TBL1XR1: variants seen among roughly 807,000 people sequenced by gnomAD.
TBL1XR1 encodes TBL1X/Y related 1.
A neutral mutation model predicts 66.9 loss-of-function variants in TBL1XR1; 5 were observed. That is an observed-to-expected ratio of 0.07 (90% confidence interval 0.04 to 0.16). TBL1XR1 has a LOEUF of 0.16. Ranked by LOEUF, TBL1XR1 falls within the 10% of genes least tolerant of loss-of-function variation. The pLI is 1.00. For missense variants in TBL1XR1, 238 were observed against 623.2 expected (o/e 0.38, Z 6.58); for synonymous variants, 210 against 206.0 (o/e 1.02, Z -0.17).
chr3:177,103,673 CT>C (rs754836465), intron 1 of TBL1XR1, among the ~76,000 whole-genome samples: 7 of 152,106 alleles, frequency 4.6e-5, no homozygotes, highest in African/African-American at 1.7e-4. Context: ...ATTATGGGCC[CT>C]TTTCCTAGAC....
At position 177,033,137 on chromosome 3, in the gene TBL1XR1, C is replaced by A; in HGVS notation, c.1251-1G>T. ...CCTAACAGTAGAATCAAAGGATGCA[C>A]TGAAAAAGGAAGGAAAGAAAGTTAA... On this transcript the variant is annotated splice_acceptor_variant, in intron 13 of 15. Transcript: ENST00000457928. LOFTEE classifies it high-confidence loss of function. 1 of 1,516,744 alleles carries A rather than the reference C, an allele frequency of 6.6e-7. No homozygotes were observed. The highest frequency in any genetic ancestry group is 8.9e-7 in the Non-Finnish European group (1 of 1,126,088). The allele number at this position is 1,516,744 out of a possible 1,614,324, so 94.0% of individuals were successfully genotyped here. A position where few individuals can be genotyped will look rare whatever the true frequency, so the allele number is the denominator to read the frequency against.
intron 1 of TBL1XR1, among the ~76,000 whole-genome samples, chr3:177,169,912 G>GC (rs1733260085): frequency 6.6e-6 from 1 of 152,132 alleles, no homozygotes; most frequent in Admixed American, 6.5e-5. Flanking sequence ...AGCAGTATCA[G>GC]CATCACCTGG....
intron 12 of TBL1XR1, among the ~76,000 whole-genome samples, chr3:177,037,130 T>C (rs1030910789): frequency 1.3e-5 from 2 of 152,146 alleles, no homozygotes; most frequent in African/African-American, 4.8e-5. Context: ...TATGTATCAG[T>C]TTCCCAGCAA....
chr3:177,141,166 C>T (rs1413319353), intron 1 of TBL1XR1, among the ~76,000 whole-genome samples: 3 of 152,138 alleles, frequency 2.0e-5, no homozygotes, highest in African/African-American at 7.2e-5. Flanking sequence ...ATAAAGCAAG[C>T]AAGAAATAAA....
At chr3:177,123,332 T>G (rs953675531) in intron 1 of TBL1XR1, among the ~76,000 whole-genome samples, 8 of 152,036 alleles carry the variant, frequency 5.3e-5, no homozygotes, top group Admixed American at 5.2e-4. Context: ...TATTAATTGA[T>G]TTACATCACT....
Position 177,020,617 on chromosome 3 carries a change from C to T in TBL1XR1, c.*4881G>A, listed in dbSNP as rs1312646368. On this transcript the variant is annotated 3_prime_UTR_variant, in exon 16 of 16. Coordinates refer to ENST00000457928, the MANE Select transcript of TBL1XR1 (RefSeq NM_024665.7). ...AAAAAAGGTTTATTCTACAATAGAA[C>T]ACTGGAGAAGTAAAAGCAATTAAAA... 6.6e-6 allele frequency: 1 copy of T among 152,084 alleles called. No homozygotes were observed. The highest frequency in any genetic ancestry group is 1.5e-5 in the Non-Finnish European group (1 of 67,976). 9.4% of individuals were successfully genotyped at this position (152,084 alleles called of 1,614,324 possible). A position where few individuals can be genotyped will look rare whatever the true frequency, so the allele number is the denominator to read the frequency against.
intron 2 of TBL1XR1, among the ~76,000 whole-genome samples, chr3:177,075,964 GA>G (rs1011660871): frequency 6.6e-6 from 1 of 151,200 alleles, no homozygotes; most frequent in African/African-American, 2.4e-5. Context: ...GGGGCTACCG[GA>G]AAAAAAACAA....
Position 177,134,971 on chromosome 3 carries a change from G to GTGTGTC in TBL1XR1, c.-121-36431_-121-36430insGACACA, listed in dbSNP as rs1553852562. On this transcript the variant is annotated intron_variant, in intron 1 of 15. Coordinates refer to ENST00000457928, the MANE Select transcript of TBL1XR1 (RefSeq NM_024665.7). Reference sequence around the variant, plus strand: ...TGTGTGTGTGTGTGTGTGTGTCTGTGTGTGTGTCTGTGTGTGTGTGTTTTG... The same window carrying GTGTGTC: ...TGTGTGTGTGTGTGTGTGTGTCTGTGTGTGTCTGTGTGTCTGTGTGTGTGTGTTTTG... Among the ~76,000 whole-genome samples, 33 of 146,162 alleles carry GTGTGTC rather than the reference G, an allele frequency of 2.3e-4. 1 individual carries two copies. In the South Asian group the frequency reaches 3.2e-3, roughly 14 times the overall value.
intron 1 of TBL1XR1, among the ~76,000 whole-genome samples, chr3:177,161,147 G>A (rs1324498450): frequency 2.0e-5 from 3 of 152,102 alleles, no homozygotes; most frequent in South Asian, 4.1e-4. Context: ...TTTGGTAAAT[G>A]CTTAACAGCA....
intron 1 of TBL1XR1, among the ~76,000 whole-genome samples, chr3:177,122,213 A>C (rs1238514839): frequency 6.6e-6 from 1 of 151,912 alleles, no homozygotes; most frequent in East Asian, 1.9e-4. Context: ...AATGGAATAC[A>C]TTGTTAGGTA....
At chr3:177,120,286 G>C (rs1049083533) in intron 1 of TBL1XR1, among the ~76,000 whole-genome samples, 1 of 151,852 alleles carries the variant, frequency 6.6e-6, no homozygotes, top group African/African-American at 2.4e-5. Flanking sequence ...CCTCCTTCCT[G>C]ATGAAAGCTT....
chr3:177,132,712 A>G lies in TBL1XR1; in HGVS notation c.-121-34171T>C, dbSNP rs1260816166. Among the ~76,000 whole-genome samples, 6 of 152,202 alleles carry G rather than the reference A, an allele frequency of 3.9e-5. No homozygotes were observed. The East Asian group carries it at 1.2e-3, about 29-fold the overall frequency. ...ATGACAAGAATCCAACAAAGTGACAACCAGGGATAGGCTCTAAGGAAAGAA... is the reference window on the plus strand; with the variant it reads ...ATGACAAGAATCCAACAAAGTGACAGCCAGGGATAGGCTCTAAGGAAAGAA... On this transcript the variant is annotated intron_variant, in intron 1 of 15. Transcript: ENST00000457928.
chr3:177,155,369 ACATT>A (rs1731367910), intron 1 of TBL1XR1, among the ~76,000 whole-genome samples: 1 of 152,184 alleles, frequency 6.6e-6, no homozygotes, highest in African/African-American at 2.4e-5. Context: ...CACAGACTCC[ACATT>A]AATTGAAAGA....
chr3:177,047,540 T>C lies in TBL1XR1; in HGVS notation c.712A>G (p.Thr238Ala), dbSNP rs1716484332. Reference protein sequence around the residue: ...VTSLDWNSEGTLLATGSYDGF... With the variant: ...VTSLDWNSEGALLATGSYDGF... ...TCATAGGAACCAGTTGCTAGAAGTG[T>C]ACCTTCACTCTGCCAGAGAAAAACA... The change falls in exon 8 of 16, where the codon ACA becomes GCA. Residue 238 changes from threonine (T) to alanine (A), a missense_variant. Coordinates refer to ENST00000457928, the MANE Select transcript of TBL1XR1 (RefSeq NM_024665.7). The C allele has an allele frequency of 6.2e-7, 1 of 1,612,686 alleles. No homozygotes were observed. The highest frequency in any genetic ancestry group is 1.3e-5 in the African/African-American group (1 of 74,882).
intron 1 of TBL1XR1, among the ~76,000 whole-genome samples, chr3:177,159,347 G>A (rs1731893624): frequency 6.6e-6 from 1 of 151,952 alleles, no homozygotes; most frequent in Admixed American, 6.6e-5. Flanking sequence ...ACCACAACTG[G>A]AGTATACATT....
intron 1 of TBL1XR1, among the ~76,000 whole-genome samples, chr3:177,105,378 G>A (rs1312168864): frequency 1.3e-5 from 2 of 152,108 alleles, no homozygotes; most frequent in African/African-American, 4.8e-5. Flanking sequence ...TGGACCAGTA[G>A]AAACAGCAAC....
At chr3:177,183,533 C>T (rs909460923) in intron 1 of TBL1XR1, among the ~76,000 whole-genome samples, 5 of 152,164 alleles carry the variant, frequency 3.3e-5, no homozygotes, top group East Asian at 3.9e-4. Context: ...TTTTTTGAGA[C>T]GGAGTTTCAC....
intron 10 of TBL1XR1, among the ~76,000 whole-genome samples, chr3:177,040,078 G>A (rs977886344): frequency 6.6e-6 from 1 of 152,136 alleles, no homozygotes; most frequent in Admixed American, 6.5e-5. Flanking sequence ...CAGCGCTTTG[G>A]TAGCAAAGGC....
At chr3:177,135,320 T>TGTGTGTGTGTGTGG in intron 1 of TBL1XR1, among the ~76,000 whole-genome samples, 1 of 94,948 alleles carries the variant, frequency 1.1e-5, no homozygotes, top group Non-Finnish European at 2.1e-5. Flanking sequence ...TGTGTGTGTG[T>TGTGTGTGTGTGTGG]GTGTGTGTGT....
Sources: gnomAD v4.1 joint callset for allele counts (sites outside exome capture counted in the v4.1 genomes callset) on GRCh38, gnomAD v4.1.1 for gene constraint, MANE v1.5 for transcripts, NCBI Gene and HGNC (gene_info 2026-07-23, HGNC 2026-07-21) for gene names.